Variants in PRKAG2 observed in about 807,000 individuals in gnomAD.
PRKAG2 encodes protein kinase AMP-activated non-catalytic subunit gamma 2.
PRKAG2 carries 26 observed loss-of-function variants against 69.6 expected under a neutral mutation model. The observed-to-expected ratio is 0.37, with a 90% CI of 0.27 to 0.52. PRKAG2 has a LOEUF of 0.52. Ranked by LOEUF, PRKAG2 falls within the 20% of genes least tolerant of loss-of-function variation. PRKAG2 has a pLI of 0.90. For synonymous variants in PRKAG2, 293 were observed against 285.0 expected (o/e 1.03, Z -0.28); for missense variants, 557 against 740.0 (o/e 0.75, Z 2.87).
Position 151,576,190 on chromosome 7 carries a change from C to G in PRKAG2, c.946+181G>C, listed in dbSNP as rs927929395. On this transcript the variant is annotated intron_variant, in intron 7 of 15. Coordinates refer to ENST00000287878, the MANE Select transcript of PRKAG2 (RefSeq NM_016203.4). ...TGCTGGGCTCAAGCGATCTCCCTGC[C>G]TTGGCCTCCCAAAGTGCTGAGATTA... The G allele has an allele frequency of 4.5e-6, 3 of 663,018 alleles. No individual in the cohort carries two copies. In the Admixed American group the frequency reaches 7.0e-5, roughly 15 times the overall value. 41.1% of individuals were successfully genotyped at this position (663,018 alleles called of 1,614,324 possible). A position where few individuals can be genotyped will look rare whatever the true frequency, so the allele number is the denominator to read the frequency against.
intron 3 of PRKAG2, among the ~76,000 whole-genome samples, chr7:151,684,068 G>C (rs779572554): frequency 2.0e-5 from 3 of 152,190 alleles, no homozygotes; most frequent in Non-Finnish European, 2.9e-5. Context: ...CGCTGGAGCT[G>C]AGTGCCCAGC....
chr7:151,637,107 A>G (rs1464548921), intron 4 of PRKAG2, among the ~76,000 whole-genome samples: 5 of 152,170 alleles, frequency 3.3e-5, no homozygotes, highest in Non-Finnish European at 7.4e-5. Context: ...TTTCTCCTGT[A>G]CTGTTTAGTT....
intron 3 of PRKAG2, among the ~76,000 whole-genome samples, chr7:151,765,189 G>A (rs201417189): frequency 2.0e-5 from 3 of 152,194 alleles, no homozygotes; most frequent in African/African-American, 7.2e-5. Context: ...TCACAGTTCT[G>A]TAGGCTCTAC....
At chr7:151,628,896 A>G (rs1823696125) in intron 5 of PRKAG2, among the ~76,000 whole-genome samples, 2 of 152,170 alleles carry the variant, frequency 1.3e-5, no homozygotes, top group African/African-American at 2.4e-5. Context: ...AGAAGTACAG[A>G]GGGTATTCAG....
intron 1 of PRKAG2, among the ~76,000 whole-genome samples, chr7:151,840,112 T>C (rs1027742029): frequency 2.6e-5 from 4 of 152,120 alleles, no homozygotes; most frequent in Admixed American, 1.3e-4. Flanking sequence ...TACATTACGT[T>C]TGTAATCAGA....
chr7:151,572,738 A>C (rs762879931), intron 8 of PRKAG2, 29 bp from the exon 9 acceptor site: 9 of 1,273,142 alleles, frequency 7.1e-6, no homozygotes, highest in Non-Finnish European at 3.4e-6. Context: ...TTATTTATAA[A>C]TATACATATA....
intron 6 of PRKAG2, among the ~76,000 whole-genome samples, chr7:151,584,649 G>A (rs1359073669): frequency 6.6e-6 from 1 of 152,180 alleles, no homozygotes; most frequent in East Asian, 1.9e-4. Flanking sequence ...AGGCACAGTG[G>A]CTTCGGGAGG....
chr7:151,815,358 A>G (rs1042325801), intron 1 of PRKAG2, among the ~76,000 whole-genome samples: 6 of 152,074 alleles, frequency 3.9e-5, no homozygotes, highest in African/African-American at 1.4e-4. Flanking sequence ...GATAGTAAGC[A>G]ACTCATCTGT....
At chr7:151,724,945 GA>G (rs1797696633) in intron 3 of PRKAG2, among the ~76,000 whole-genome samples, 2 of 152,114 alleles carry the variant, frequency 1.3e-5, no homozygotes, top group African/African-American at 4.8e-5. Flanking sequence ...GGTGCCCAAG[GA>G]GGCTGCCACT....
intron 14 of PRKAG2, 138 bp downstream of exon 14, chr7:151,563,940 G>A (rs1805653445): frequency 1.7e-6 from 2 of 1,149,266 alleles, no homozygotes; most frequent in African/African-American, 3.0e-5. Context: ...TTCTGGGACA[G>A]GAGGGAATCC....
At chr7:151,791,000 G>A (rs532415094) in intron 1 of PRKAG2, among the ~76,000 whole-genome samples, 5 of 152,362 alleles carry the variant, frequency 3.3e-5, no homozygotes, top group African/African-American at 1.2e-4. Context: ...GGTGTCTCGG[G>A]CTGGAGTGAG....
intron 1 of PRKAG2, among the ~76,000 whole-genome samples, chr7:151,813,362 G>T (rs982396213): frequency 6.6e-6 from 1 of 151,892 alleles, no homozygotes; most frequent in African/African-American, 2.4e-5. Context: ...CAGATGCACA[G>T]AATCAAGCCT....
At chr7:151,649,970 T>C (rs1828199396) in intron 4 of PRKAG2, among the ~76,000 whole-genome samples, 1 of 152,090 alleles carries the variant, frequency 6.6e-6, no homozygotes, top group South Asian at 2.1e-4. Context: ...GGAGGAAATG[T>C]CCCCCTCACC....
chr7:151,666,800 G>A (rs930428129), intron 4 of PRKAG2, among the ~76,000 whole-genome samples: 1 of 152,034 alleles, frequency 6.6e-6, no homozygotes, highest in East Asian at 1.9e-4. Context: ...CTTTAGTTTA[G>A]TTATATATTA....
At chr7:151,686,175 A>G (rs1360719158) in intron 3 of PRKAG2, among the ~76,000 whole-genome samples, 1 of 152,140 alleles carries the variant, frequency 6.6e-6, no homozygotes, top group Non-Finnish European at 1.5e-5. Flanking sequence ...ACATGTGCCC[A>G]TAGGACCGGA....
chr7:151,793,217 C>T (rs534582293), intron 1 of PRKAG2, among the ~76,000 whole-genome samples: 6 of 152,328 alleles, frequency 3.9e-5, no homozygotes, highest in East Asian at 1.9e-4. Context: ...TACTCTCAAA[C>T]GACCAAAGAC....
chr7:151,856,279 G>A (rs36034736), intron 1 of PRKAG2, among the ~76,000 whole-genome samples: 22,851 of 152,214 alleles, frequency 0.15, 2,043 homozygotes, highest in South Asian at 0.22. Context: ...GTGGCAGGAG[G>A]GAAACCAGGT....
intron 3 of PRKAG2, among the ~76,000 whole-genome samples, chr7:151,704,409 C>T (rs895813524): frequency 2.0e-5 from 3 of 152,166 alleles, no homozygotes; most frequent in Non-Finnish European, 4.4e-5. Flanking sequence ...TTCTCTTGCT[C>T]AGTGTTGGTT....
chr7:151,871,910 T>C (rs2080227150), intron 1 of PRKAG2, among the ~76,000 whole-genome samples: 1 of 152,196 alleles, frequency 6.6e-6, no homozygotes, highest in African/African-American at 2.4e-5. Flanking sequence ...GCTTGGGCAC[T>C]AGGGGTCCGA....
Sources: gnomAD v4.1 joint callset for allele counts (sites outside exome capture counted in the v4.1 genomes callset) on GRCh38, gnomAD v4.1.1 for gene constraint, MANE v1.5 for transcripts, NCBI Gene and HGNC (gene_info 2026-07-23, HGNC 2026-07-21) for gene names.